Variants in ZNF765 observed in about 807,000 individuals in gnomAD.
ZNF765 encodes zinc finger protein 765.
In ZNF765, 37 loss-of-function variants were observed where a neutral mutation model predicts 44.7. The observed-to-expected ratio is 0.83, with a 90% CI of 0.64 to 1.09. The LOEUF (loss-of-function observed/expected upper bound fraction) is 1.09. Ranked by LOEUF, ZNF765 falls within the 50% of genes least tolerant of loss-of-function variation. The pLI is 0.00. For synonymous variants in ZNF765, 201 were observed against 213.7 expected, an observed-to-expected ratio of 0.94 and a Z score of 0.52; for missense variants, 594 against 626.1, an observed-to-expected ratio of 0.95 and a Z score of 0.55.
At chr19:53,423,674 G>C in exon 4 of ZNF765, 1 of 229,176 alleles carries the variant, frequency 4.4e-6, no homozygotes, top group Admixed American at 5.3e-5. Context: ...TCCAAGCTTT[G>C]CTTTGCTTAG....
Position 53,409,394 on chromosome 19 carries a change from T to C in ZNF765, c.*267T>C. 1.2e-6 allele frequency: 1 copy of C among 845,024 alleles called. No individual in the cohort carries two copies. Among genetic ancestry groups the C allele is most frequent in the East Asian group, 2.4e-5 (1 of 40,942 alleles). 52.3% of individuals were successfully genotyped at this position (845,024 alleles called of 1,614,324 possible). On this transcript the variant is annotated 3_prime_UTR_variant, in exon 4 of 4. Transcript: ENST00000396408. ...AAATGTGAAGAATGTGAAGAAGCTT[T>C]CTGTTTCAAATCCAACCTTGAAAGA...
chr19:53,422,848 C>G (rs924099052), intron 3 of ZNF765, among the ~76,000 whole-genome samples: 1 of 152,156 alleles, frequency 6.6e-6, no homozygotes, highest in African/African-American at 2.4e-5. Context: ...ACAGACTGTA[C>G]TTGGAATCCT....
rs897887584 is a variant in ZNF765, at chr19:53,410,281, T to A, written c.*1154T>A. On this transcript the variant is annotated 3_prime_UTR_variant, in exon 4 of 4. Coordinates refer to ENST00000396408, the MANE Select transcript of ZNF765 (RefSeq NM_001040185.3). The stretch of plus-strand genomic sequence containing the variant: ...CAAATGTGAAGCATGTGACAAAGTT[T>A]ACAGTCGCAAATCAAGCCTCCAAAG... The A allele has an allele frequency of 5.5e-6, 2 of 360,676 alleles. No individual in the cohort carries two copies. Among genetic ancestry groups the A allele is most frequent in the African/African-American group, 4.3e-5 (2 of 46,566 alleles). 22.3% of individuals were successfully genotyped at this position (360,676 alleles called of 1,614,324 possible). A position where few individuals can be genotyped will look rare whatever the true frequency, so the allele number is the denominator to read the frequency against.
In ZNF765 at chr19:53,409,070, C is replaced by A. The variant is rs1193819809; in HGVS notation, c.1515C>A (p.Phe505Leu). The change falls in exon 4 of 4, where the codon TTC becomes TTA. Residue 505 changes from phenylalanine (F) to leucine (L), a missense_variant. Physicochemically the swap from Phe to Leu is conservative, Grantham distance 22. Coordinates refer to ENST00000396408, the MANE Select transcript of ZNF765 (RefSeq NM_001040185.3). ...KCEDCDEAFS[F>L]KSNLERHRRI... ...AAGATTGTGATGAAGCTTTCAGTTT[C>A]AAATCAAACCTTGAAAGACATAGGA... The A allele has an allele frequency of 6.2e-7, 1 of 1,613,762 alleles. No individual in the cohort carries two copies.
At chr19:53,397,701 G>A (rs550304595) in intron 1 of ZNF765, among the ~76,000 whole-genome samples, 1 of 152,034 alleles carries the variant, frequency 6.6e-6, no homozygotes, top group Non-Finnish European at 1.5e-5. Flanking sequence ...GTTTGGTCAG[G>A]CCTGGGTCTG....
In ZNF765 at chr19:53,411,117, G is replaced by C; in HGVS notation, c.*1990G>C. 1 of 231,786 alleles carries C rather than the reference G, an allele frequency of 4.3e-6. No homozygotes were observed. The allele number at this position is 231,786 out of a possible 1,614,324, so 14.4% of individuals were successfully genotyped here. A position where few individuals can be genotyped will look rare whatever the true frequency, so the allele number is the denominator to read the frequency against. Reference sequence around the variant, plus strand: ...AGTTGAAGCCTTAATTGACATTAAAGTGTTTATGTTAAGAGGACTGGGCCA... The same window carrying C: ...AGTTGAAGCCTTAATTGACATTAAACTGTTTATGTTAAGAGGACTGGGCCA... On this transcript the variant is annotated 3_prime_UTR_variant, in exon 4 of 4. Coordinates refer to ENST00000396408, the MANE Select transcript of ZNF765 (RefSeq NM_001040185.3).
At chr19:53,399,551 C>T (rs1352612361) in intron 2 of ZNF765, among the ~76,000 whole-genome samples, 2 of 151,900 alleles carry the variant, frequency 1.3e-5, no homozygotes, top group Non-Finnish European at 2.9e-5. Flanking sequence ...CGTGATGGCA[C>T]GTGCCCCTAA....
intron 3 of ZNF765, among the ~76,000 whole-genome samples, chr19:53,422,048 T>C (rs1397634983): frequency 6.6e-6 from 1 of 152,166 alleles, no homozygotes; most frequent in African/African-American, 2.4e-5. Context: ...AATCAGTGTA[T>C]CTACATTTTA....
At chr19:53,417,164 G>A (rs2085880289) in intron 3 of ZNF765, among the ~76,000 whole-genome samples, 1 of 152,132 alleles carries the variant, frequency 6.6e-6, no homozygotes, top group Admixed American at 6.6e-5. Context: ...GGGTACATGT[G>A]CAGGTCTGTT....
intron 3 of ZNF765, among the ~76,000 whole-genome samples, chr19:53,406,460 T>C (rs2085777500): frequency 6.6e-6 from 1 of 152,200 alleles, no homozygotes. Flanking sequence ...GCATTTTTCT[T>C]AACAGGGAAT....
rs2085812147 is a variant in ZNF765 at position 53,409,385 on chromosome 19, A to G, written c.*258A>G. ...AGACCTTACAAATGTGAAGAATGTG[A>G]AGAAGCTTTCTGTTTCAAATCCAAC... On this transcript the variant is annotated 3_prime_UTR_variant, in exon 4 of 4. Transcript: ENST00000396408. The G allele has an allele frequency of 2.4e-6, 2 of 839,354 alleles. No homozygotes were observed. The highest frequency in any genetic ancestry group is 3.3e-5 in the African/African-American group (2 of 59,742). 52.0% of individuals were successfully genotyped at this position (839,354 alleles called of 1,614,324 possible).
At chr19:53,407,121 T>A (rs1600056533) in intron 3 of ZNF765, among the ~76,000 whole-genome samples, 1 of 152,250 alleles carries the variant, frequency 6.6e-6, no homozygotes, top group East Asian at 1.9e-4. Flanking sequence ...AAACGATTCT[T>A]GTGCCTCGTG....
At chr19:53,421,966 G>A (rs1011102697) in intron 3 of ZNF765, among the ~76,000 whole-genome samples, 1 of 152,072 alleles carries the variant, frequency 6.6e-6, no homozygotes, top group Non-Finnish European at 1.5e-5. Context: ...TCTCTGTGTG[G>A]CTGTCCTGAT....
At position 53,397,982 on chromosome 19, in the gene ZNF765, C is replaced by T. The variant is rs1322741388; in HGVS notation, c.-34C>T. On this transcript the variant is annotated 5_prime_UTR_variant, in exon 2 of 4. Coordinates refer to ENST00000396408, the MANE Select transcript of ZNF765 (RefSeq NM_001040185.3). ...GACTCTTGGTATGTGAGGAAGAAACCTGGAAGAGGAAGAGGAAAGCAAAGG... is the reference window on the plus strand; with the variant it reads ...GACTCTTGGTATGTGAGGAAGAAACTTGGAAGAGGAAGAGGAAAGCAAAGG... 6.2e-7 allele frequency: 1 copy of T among 1,612,056 alleles called. No homozygotes were observed. Among genetic ancestry groups the T allele is most frequent in the Non-Finnish European group, 8.5e-7 (1 of 1,179,852 alleles).
chr19:53,402,290 T>C (rs1189381536), intron 3 of ZNF765, 99 bp downstream of exon 3: 18 of 1,511,594 alleles, frequency 1.2e-5, no homozygotes, highest in East Asian at 2.4e-5. Flanking sequence ...GGAGTCTCGC[T>C]CTGTCGCCCA....
chr19:53,400,286 G>C (rs2085710555), intron 2 of ZNF765, among the ~76,000 whole-genome samples: 1 of 152,138 alleles, frequency 6.6e-6, no homozygotes, highest in East Asian at 1.9e-4. Context: ...CTTGCTCTTT[G>C]ACATCTGCAT....
rs574791775 is a variant in ZNF765 at position 53,396,221 on chromosome 19, G to A, written c.-74+1028G>A. ...GAAGCACAGCAGGGAGGACACCTGG[G>A]GATCTGGGGTGCTAGAGAGTGGGGA... is the stretch of plus-strand genomic sequence containing the variant. On this transcript the variant is annotated intron_variant, in intron 1 of 3. Coordinates refer to ENST00000396408, the MANE Select transcript of ZNF765 (RefSeq NM_001040185.3). Among the ~76,000 whole-genome samples, 10 of 151,928 alleles carry A rather than the reference G, an allele frequency of 6.6e-5. No homozygotes were observed. In the South Asian group the frequency reaches 2.1e-3, roughly 32 times the overall value.
chr19:53,419,892 G>T (rs909711760), intron 3 of ZNF765, among the ~76,000 whole-genome samples: 1 of 151,780 alleles, frequency 6.6e-6, no homozygotes, highest in African/African-American at 2.4e-5. Context: ...GGTGGCAGGC[G>T]CCTGTAATCC....
chr19:53,406,474 T>G (rs756805854), intron 3 of ZNF765, among the ~76,000 whole-genome samples: 6 of 152,158 alleles, frequency 3.9e-5, no homozygotes, highest in Non-Finnish European at 8.8e-5. Context: ...AGGGAATTGT[T>G]TAGAATTTTG....
Sources: gnomAD v4.1 joint callset for allele counts (sites outside exome capture counted in the v4.1 genomes callset) on GRCh38, gnomAD v4.1.1 for gene constraint, MANE v1.5 for transcripts, NCBI Gene and HGNC (gene_info 2026-07-23, HGNC 2026-07-21) for gene names.